CDC20B: variants seen among roughly 807,000 people sequenced by gnomAD.
The protein encoded by CDC20B is cell division cycle 20B, also known as cell division cycle protein 20 homolog B.
In CDC20B, 58 loss-of-function variants were observed where a neutral mutation model predicts 64.1. The ratio of observed to expected loss-of-function variants is 0.90; its 90% CI spans 0.73 to 1.13. CDC20B has a LOEUF of 1.13. Ranked by LOEUF, CDC20B falls within the 50% of genes most tolerant of loss-of-function variation. CDC20B has a pLI of 0.00. For missense variants in CDC20B, 597 were observed against 633.0 expected (o/e 0.94, Z 0.61); for synonymous variants, 243 against 230.6 (o/e 1.05, Z -0.49).
intron 2 of CDC20B, chr5:55,160,890 GAGGTTAT>G (rs1744009066): frequency 1.7e-6 from 2 of 1,173,242 alleles, no homozygotes; most frequent in Middle Eastern, 2.2e-4. Context: ...ACATCAATCA[GAGGTTAT>G]AGTCCCCCCC....
intron 2 of CDC20B, chr5:55,172,252 T>TG (rs751417640): frequency 2.1e-5 from 5 of 235,960 alleles, no homozygotes; most frequent in South Asian, 6.2e-5. Flanking sequence ...TCCATTTCTT[T>TG]GGGGGGCGTG....
chr5:55,169,770 C>T (rs1306921463), intron 2 of CDC20B, among the ~76,000 whole-genome samples: 1 of 152,190 alleles, frequency 6.6e-6, no homozygotes, highest in African/African-American at 2.4e-5. Flanking sequence ...TCAGTTGGTA[C>T]ACACACAGTC....
intron 2 of CDC20B, chr5:55,166,370 A>G (rs1365526114): frequency 6.6e-6 from 1 of 152,230 alleles, no homozygotes; most frequent in Non-Finnish European, 1.5e-5. Context: ...TGGCTGCCTT[A>G]TTCAACCTAC....
chr5:55,160,266 T>TTTTTGC, intron 2 of CDC20B: 6 of 1,613,880 alleles, frequency 3.7e-6, no homozygotes, highest in African/African-American at 2.7e-5. Context: ...TTGCTGTCTA[T>TTTTTGC]AGTTCTATGC....
intron 2 of CDC20B, 131 bp downstream of exon 2, chr5:55,172,457 T>C: frequency 1.5e-6 from 1 of 670,278 alleles, no homozygotes; most frequent in South Asian, 1.9e-5. Flanking sequence ...TTTTTTTTAG[T>C]ATGTAATAAG....
At chr5:55,117,571 T>C (rs2111790599) in intron 11 of CDC20B, among the ~76,000 whole-genome samples, 1 of 152,260 alleles carries the variant, frequency 6.6e-6, no homozygotes, top group African/African-American at 2.4e-5. Context: ...ATCTCAGTCA[T>C]CAGGTGTATG....
rs34286995 is a variant in CDC20B, at chr5:55,162,090, CAAAAAAA to C, written c.126+10491_126+10497del. ...AGACACTGTTCTAAACCATATTAGT[CAAAAAAA>C]AAAAAAAAAAAAAAAAGGCCGGGCG... is the stretch of plus-strand genomic sequence containing the variant. On this transcript the variant is annotated intron_variant, in intron 2 of 11. Transcript: ENST00000381375. Among the ~76,000 whole-genome samples, 21 of 90,712 alleles carry C rather than the reference CAAAAAAA, an allele frequency of 2.3e-4. No homozygotes were observed. In the East Asian group the frequency reaches 5.8e-3, roughly 25 times the overall value. 59.5% of individuals were successfully genotyped at this position (90,712 alleles called of 152,430 possible). A position where few individuals can be genotyped will look rare whatever the true frequency, so the allele number is the denominator to read the frequency against.
At chr5:55,125,101 G>A (rs1742852988) in intron 8 of CDC20B, 73 bp from the exon 9 acceptor site, 2 of 1,274,370 alleles carry the variant, frequency 1.6e-6, no homozygotes, top group Middle Eastern at 1.9e-4. Context: ...GGAAAGCATA[G>A]TTCAAAGTAA....
chr5:55,121,024 C>T (rs1033744396), intron 9 of CDC20B, among the ~76,000 whole-genome samples: 1 of 152,168 alleles, frequency 6.6e-6, no homozygotes, highest in Non-Finnish European at 1.5e-5. Flanking sequence ...CAGTCTCAAG[C>T]ACTTCAAATC....
At chr5:55,153,398 G>C (rs1743726190) in intron 2 of CDC20B, among the ~76,000 whole-genome samples, 1 of 152,148 alleles carries the variant, frequency 6.6e-6, no homozygotes, top group Admixed American at 6.6e-5. Context: ...ATAAAACCCA[G>C]AGTAATGACA....
intron 2 of CDC20B, among the ~76,000 whole-genome samples, chr5:55,151,338 A>T (rs73118138): frequency 0.015 from 2,353 of 152,310 alleles, 60 homozygotes; most frequent in African/African-American, 0.054. Flanking sequence ...GGCCACATTC[A>T]GTGGGCTACA....
At chr5:55,161,246 T>G in intron 2 of CDC20B, 1 of 1,613,414 alleles carries the variant, frequency 6.2e-7, no homozygotes, top group African/African-American at 1.3e-5. Context: ...TGCATTTAGA[T>G]TTCTTGTTGG....
intron 6 of CDC20B, among the ~76,000 whole-genome samples, chr5:55,132,106 G>A (rs1743047419): frequency 6.6e-6 from 1 of 152,092 alleles, no homozygotes; most frequent in South Asian, 2.1e-4. Context: ...GGAAAAATGG[G>A]AACAAACATT....
At position 55,172,977 on chromosome 5, in the gene CDC20B, G is replaced by T. The variant is rs555725932; in HGVS notation, c.24C>A (p.Thr8=). The T allele has an allele frequency of 3.7e-6, 6 of 1,611,938 alleles. No homozygotes were observed. The highest frequency in any genetic ancestry group is 1.1e-5 in the South Asian group (1 of 90,272). Reference sequence around the variant, plus strand: ...CTTCCGTGCGGACCCTCCGAGGCGCGGTGCGCTCCAGTTTCCACTCCATCT... The same window carrying T: ...CTTCCGTGCGGACCCTCCGAGGCGCTGTGCGCTCCAGTTTCCACTCCATCT... MEWKLER[T]APRRVRTEEE... is the part of the protein sequence containing the mutation. The change falls in exon 1 of 12, where the codon ACC becomes ACA. Residue 8 remains threonine (T), a synonymous_variant. Coordinates refer to ENST00000381375, the MANE Select transcript of CDC20B (RefSeq NM_001170402.1).
intron 3 of CDC20B, among the ~76,000 whole-genome samples, chr5:55,145,379 T>G (rs1223001616): frequency 6.6e-6 from 1 of 152,238 alleles, no homozygotes; most frequent in African/African-American, 2.4e-5. Flanking sequence ...TGAAAAGAGT[T>G]GGCACTTCTA....
intron 5 of CDC20B, among the ~76,000 whole-genome samples, chr5:55,136,330 TG>T (rs1245142178): frequency 6.6e-6 from 1 of 151,066 alleles, no homozygotes; most frequent in African/African-American, 2.4e-5. Flanking sequence ...GAGGCCAAGG[TG>T]GGCAGATCAT....
chr5:55,141,841 T>C (rs1279354659), intron 4 of CDC20B, among the ~76,000 whole-genome samples: 1 of 152,186 alleles, frequency 6.6e-6, no homozygotes, highest in South Asian at 2.1e-4. Flanking sequence ...CTGTGCATTG[T>C]AGGATGTTTA....
intron 2 of CDC20B, among the ~76,000 whole-genome samples, chr5:55,167,611 G>A (rs1222353972): frequency 2.0e-5 from 3 of 152,134 alleles, no homozygotes; most frequent in Non-Finnish European, 4.4e-5. Context: ...TGTAATATCA[G>A]CACTTTAAGC....
chr5:55,152,342 T>C (rs1165383763), intron 2 of CDC20B, among the ~76,000 whole-genome samples: 1 of 152,242 alleles, frequency 6.6e-6, no homozygotes, highest in Non-Finnish European at 1.5e-5. Flanking sequence ...CCACACTCAC[T>C]GTGCATGCTC....
Sources: gnomAD v4.1 joint callset for allele counts (sites outside exome capture counted in the v4.1 genomes callset) on GRCh38, gnomAD v4.1.1 for gene constraint, MANE v1.5 for transcripts, NCBI Gene and HGNC (gene_info 2026-07-23, HGNC 2026-07-21) for gene names.